The following PIERCE2 variants were observed in gnomAD, a reference collection of about 807,000 sequenced individuals.
PIERCE2 encodes piercer of microtubule wall 2 protein.
chr15:55,414,480 A>G, the PIERCE2 span, among the ~76,000 whole-genome samples: 1 of 151,854 alleles, frequency 6.6e-6, no homozygotes, highest in Non-Finnish European at 1.5e-5. Flanking sequence ...AAATGTTCTT[A>G]TATTTGTAAT....
At chr15:55,418,284 C>T in the PIERCE2 span, 1 of 1,551,260 alleles carries the variant, frequency 6.4e-7, no homozygotes, top group East Asian at 2.4e-5. Context: ...CAACTGCCTC[C>T]TTGTGTGAAC....
At chr15:55,408,940 C>T in the PIERCE2 span, among the ~76,000 whole-genome samples, 216 of 152,070 alleles carry the variant, frequency 1.4e-3, no homozygotes, top group Non-Finnish European at 2.2e-3. Context: ...TGTAAATGCA[C>T]GTTTCCTTAA....
chr15:55,412,416 G>C, the PIERCE2 span, among the ~76,000 whole-genome samples: 1 of 152,150 alleles, frequency 6.6e-6, no homozygotes, highest in Non-Finnish European at 1.5e-5. Context: ...AAATTCTGTG[G>C]AGTTGGTAGA....
chr15:55,412,954 A>C, the PIERCE2 span, among the ~76,000 whole-genome samples: 2 of 152,112 alleles, frequency 1.3e-5, no homozygotes, highest in Admixed American at 6.6e-5. Flanking sequence ...ACATAGCAAG[A>C]CCTCATCCCT....
chr15:55,413,501 G>A, the PIERCE2 span, among the ~76,000 whole-genome samples: 6 of 151,440 alleles, frequency 4.0e-5, no homozygotes, highest in East Asian at 8.0e-4. Flanking sequence ...TCTCACGCCT[G>A]TAATCCCAGC....
chr15:55,415,984 A>C, the PIERCE2 span, among the ~76,000 whole-genome samples: 1 of 152,284 alleles, frequency 6.6e-6, no homozygotes, highest in Middle Eastern at 3.4e-3. Context: ...CTGTGAATTA[A>C]ATTTTTCTAC....
chr15:55,418,210 G>A, the PIERCE2 span: 1 of 1,572,416 alleles, frequency 6.4e-7, no homozygotes, highest in Non-Finnish European at 8.6e-7. Flanking sequence ...GATTTTATGT[G>A]TTTATCTTTT....
At chr15:55,408,810 T>C in the PIERCE2 span, 1 of 1,500,748 alleles carries the variant, frequency 6.7e-7, no homozygotes, top group African/African-American at 1.4e-5. Context: ...GAGGGCTAGA[T>C]GTTTGGGAAT....
chr15:55,410,925 G>A, the PIERCE2 span: 3 of 152,190 alleles, frequency 2.0e-5, no homozygotes, highest in Admixed American at 6.5e-5. Context: ...TCCAGTATCT[G>A]TGTTGTTAAT....
At chr15:55,413,496 C>T in the PIERCE2 span, among the ~76,000 whole-genome samples, 3 of 152,034 alleles carry the variant, frequency 2.0e-5, no homozygotes, top group African/African-American at 7.2e-5. Flanking sequence ...TGGTGTCTCA[C>T]GCCTGTAATC....
chr15:55,418,113 G>A, the PIERCE2 span: 28 of 1,583,344 alleles, frequency 1.8e-5, no homozygotes, highest in Non-Finnish European at 2.2e-5. Flanking sequence ...GACATTCAAT[G>A]CCCTCAAGAG....
chr15:55,412,367 T>C, the PIERCE2 span, among the ~76,000 whole-genome samples: 1 of 152,020 alleles, frequency 6.6e-6, no homozygotes, highest in African/African-American at 2.4e-5. Context: ...AAACATAGTA[T>C]ACTACACTGT....
At chr15:55,414,961 A>G in the PIERCE2 span, among the ~76,000 whole-genome samples, 2 of 152,226 alleles carry the variant, frequency 1.3e-5, no homozygotes, top group African/African-American at 4.8e-5. Flanking sequence ...TATTAAACAA[A>G]AAGTCTATTT....
At chr15:55,408,814 T>C in the PIERCE2 span, 1 of 1,495,844 alleles carries the variant, frequency 6.7e-7, no homozygotes, top group African/African-American at 1.4e-5. Context: ...GCTAGATGTT[T>C]GGGAATGTTG....
At chr15:55,413,653 G>C in the PIERCE2 span, among the ~76,000 whole-genome samples, 8 of 150,732 alleles carry the variant, frequency 5.3e-5, no homozygotes, top group African/African-American at 1.9e-4. Context: ...CCAGCTACTC[G>C]GGAGGCTGAG....
At chr15:55,414,239 T>A in the PIERCE2 span, among the ~76,000 whole-genome samples, 1 of 146,352 alleles carries the variant, frequency 6.8e-6, no homozygotes, top group African/African-American at 2.5e-5. Context: ...AGAGTTTCAC[T>A]CTTGTTGCCC....
At chr15:55,417,288 T>C in the PIERCE2 span, among the ~76,000 whole-genome samples, 2 of 152,214 alleles carry the variant, frequency 1.3e-5, no homozygotes, top group African/African-American at 4.8e-5. Flanking sequence ...ACTTTTGCCA[T>C]ACTTTGTCCC....
chr15:55,412,966 C>CA, the PIERCE2 span, among the ~76,000 whole-genome samples: 7 of 152,126 alleles, frequency 4.6e-5, no homozygotes, highest in East Asian at 1.9e-4. Flanking sequence ...CTCATCCCTA[C>CA]AAAAAAATTA....
At chr15:55,418,138 A>G in the PIERCE2 span, 1 of 1,572,738 alleles carries the variant, frequency 6.4e-7, no homozygotes, top group East Asian at 2.2e-5. Context: ...GAATTCCTGA[A>G]AAAGGGAAGT....
Sources: allele counts gnomAD v4.1 joint callset (sites outside exome capture counted in the v4.1 genomes callset), GRCh38; gene constraint gnomAD v4.1.1; transcripts MANE v1.5; gene names NCBI Gene and HGNC (gene_info 2026-07-23, HGNC 2026-07-21).